The following LRATD1 variants were observed in gnomAD, a reference collection of about 807,000 sequenced individuals.
The protein encoded by LRATD1 is protein LRATD1.
In LRATD1, 8 loss-of-function variants were observed where a neutral mutation model predicts 21.3. The ratio of observed to expected loss-of-function variants is 0.38; its 90% CI spans 0.22 to 0.68. LRATD1 has a LOEUF of 0.68. LRATD1 is among the 30% of genes least tolerant of loss of function. LRATD1 has a pLI of 0.54. For missense variants in LRATD1, 380 were observed against 404.0 expected (o/e 0.94, Z 0.51); for synonymous variants, 210 against 186.2 (o/e 1.13, Z -1.04).
intron 4 of LRATD1, chr2:14,649,225 T>G (rs981569227): frequency 6.6e-6 from 3 of 453,048 alleles, no homozygotes; most frequent in African/African-American, 2.0e-5. Context: ...GAGAGGATGG[T>G]GGAGGAAGGC....
Position 14,634,394 on chromosome 2 carries a change from G to A in LRATD1, c.415G>A (p.Ala139Thr). The change falls in exon 2 of 2, where the codon GCG becomes ACG. Residue 139 changes from alanine to threonine, a missense_variant. Coordinates refer to ENST00000295092, the MANE Select transcript of LRATD1 (RefSeq NM_145175.4). ...LWLQPAPEPP[A>T]PAPHWAVYVG... ...GCTGCAGCCCGCGCCGGAGCCGCCC[G>A]CGCCCGCCCCGCACTGGGCCGTCTA... is the stretch of plus-strand genomic sequence containing the variant. 1.3e-6 allele frequency: 2 copies of A among 1,540,118 alleles called. No homozygotes were observed. The highest frequency in any genetic ancestry group is 2.4e-5 in the East Asian group (1 of 42,386).
rs1426677067 is a variant in LRATD1 at position 14,639,300 on chromosome 2, G to A, written c.*4442G>A. The A allele has an allele frequency of 3.0e-5, 5 of 167,030 alleles. No individual in the cohort carries two copies. 10.3% of individuals were successfully genotyped at this position (167,030 alleles called of 1,614,324 possible). A position where few individuals can be genotyped will look rare whatever the true frequency, so the allele number is the denominator to read the frequency against. ...TTATTCTCATTTTTTGGAAGAATAT[G>A]TTCCTGGTTTCTCTAACTAAAAGGA... is the stretch of plus-strand genomic sequence containing the variant. On this transcript the variant is annotated 3_prime_UTR_variant, in exon 2 of 2. Coordinates refer to ENST00000295092, the MANE Select transcript of LRATD1 (RefSeq NM_145175.4).
In LRATD1 at chr2:14,634,387, G is replaced by A; in HGVS notation, c.408G>A (p.Glu136=). 2 of 1,543,646 alleles carry A rather than the reference G, an allele frequency of 1.3e-6. No homozygotes were observed. The highest frequency in any genetic ancestry group is 8.7e-7 in the Non-Finnish European group (1 of 1,148,160). The change falls in exon 2 of 2, where the codon GAG becomes GAA. Residue 136 remains glutamate, a synonymous_variant. Transcript: ENST00000295092. ...TGCTGTGGCTGCAGCCCGCGCCGGA[G>A]CCGCCCGCGCCCGCCCCGCACTGGG... ...LELLWLQPAP[E]PPAPAPHWAV... is the part of the protein sequence containing the mutation.
exon 5 of LRATD1, chr2:14,649,340 C>T (rs529230495): frequency 6.3e-4 from 287 of 456,602 alleles, no homozygotes; most frequent in Non-Finnish European, 1.1e-3. Context: ...ATCTTTGTCT[C>T]ATGGATGCTC....
Position 14,639,508 on chromosome 2 carries a change from T to C in LRATD1, c.*4650T>C, listed in dbSNP as rs1253092694. ...ATCCTATCTTTCAATCATTTAGTAA[T>C]TCATAAAATCCCATTATTTCATAAC... On this transcript the variant is annotated 3_prime_UTR_variant, in exon 2 of 2. Coordinates refer to ENST00000295092, the MANE Select transcript of LRATD1 (RefSeq NM_145175.4). 1.6e-4 allele frequency: 26 copies of C among 166,908 alleles called. No individual in the cohort carries two copies. Among genetic ancestry groups the C allele is most frequent in the Non-Finnish European group, 2.8e-4 (19 of 68,110 alleles). The allele number at this position is 166,908 out of a possible 1,614,324, so 10.3% of individuals were successfully genotyped here. A position where few individuals can be genotyped will look rare whatever the true frequency, so the allele number is the denominator to read the frequency against.
downstream of LRATD1, chr2:14,642,170 C>CAA (rs1378671582): frequency 2.0e-5 from 3 of 152,476 alleles, no homozygotes; most frequent in Non-Finnish European, 4.4e-5. Flanking sequence ...ACGAGATTCT[C>CAA]CTTAAGAATC....
At chr2:14,643,758 G>A (rs1479032430), downstream of LRATD1, among the ~76,000 whole-genome samples, 2 of 152,166 alleles carry the variant, frequency 1.3e-5, no homozygotes, top group African/African-American at 4.8e-5. Flanking sequence ...TGAACTTCTG[G>A]TGTAGCACTT....
chr2:14,634,148 G>T lies in LRATD1; in HGVS notation c.169G>T (p.Ala57Ser). ...GCAGCCCGACAAGTTTGGCGTGAAGGCCCCCCCGGGTTGCACCCCCTGCCC... is the reference window on the plus strand; with the variant it reads ...GCAGCCCGACAAGTTTGGCGTGAAGTCCCCCCCGGGTTGCACCCCCTGCCC... ...RGQPDKFGVK[A>S]PPGCTPCPES... The change falls in exon 2 of 2, where the codon GCC (alanine) becomes TCC (serine). Residue 57 changes from alanine (A) to serine (S), a missense_variant. By Grantham distance (99) the Ala-to-Ser change is moderately conservative. Coordinates refer to ENST00000295092, the MANE Select transcript of LRATD1 (RefSeq NM_145175.4). 6 of 1,613,780 alleles carry T rather than the reference G, an allele frequency of 3.7e-6. No homozygotes were observed. Among genetic ancestry groups the T allele is most frequent in the Non-Finnish European group, 5.1e-6 (6 of 1,179,968 alleles).
In LRATD1 at chr2:14,635,056, G is replaced by A; in HGVS notation, c.*198G>A. 2 of 831,430 alleles carry A rather than the reference G, an allele frequency of 2.4e-6. No individual in the cohort carries two copies. Among genetic ancestry groups the A allele is most frequent in the East Asian group, 2.7e-5 (1 of 37,408 alleles). The allele number at this position is 831,430 out of a possible 1,614,324, so 51.5% of individuals were successfully genotyped here. On this transcript the variant is annotated 3_prime_UTR_variant, in exon 2 of 2. Transcript: ENST00000295092. ...AAGTCTCAGGAACTGCCCCAGGGCC[G>A]AAAGGGCGCCGCTGCGAGCGCCTGG...
At position 14,635,215 on chromosome 2, in the gene LRATD1, T is replaced by C. The variant is rs754607207; in HGVS notation, c.*357T>C. 1.7e-6 allele frequency: 1 copy of C among 575,998 alleles called. No individual in the cohort carries two copies. The highest frequency in any genetic ancestry group is 3.4e-6 in the Non-Finnish European group (1 of 294,700). 35.7% of individuals were successfully genotyped at this position (575,998 alleles called of 1,614,324 possible). On this transcript the variant is annotated 3_prime_UTR_variant, in exon 2 of 2. Transcript: ENST00000295092. ...TCCCCGCGAGTCCATGGCCAGTGAC[T>C]GTGGCCCGACTCGAAAACAACCCTC...
chr2:14,635,508 G>C lies in LRATD1; in HGVS notation c.*650G>C, dbSNP rs766815137. 1 of 471,238 alleles carries C rather than the reference G, an allele frequency of 2.1e-6. No homozygotes were observed. Among genetic ancestry groups the C allele is most frequent in the South Asian group, 1.5e-5 (1 of 64,578 alleles). The allele number at this position is 471,238 out of a possible 1,614,324, so 29.2% of individuals were successfully genotyped here. On this transcript the variant is annotated 3_prime_UTR_variant, in exon 2 of 2. Coordinates refer to ENST00000295092, the MANE Select transcript of LRATD1 (RefSeq NM_145175.4). ...CATTGTGTTCCAGGCTGCGGGCTAAGCCAGACAGTGTTTGCCTCCGGTTCT... is the reference window on the plus strand; with the variant it reads ...CATTGTGTTCCAGGCTGCGGGCTAACCCAGACAGTGTTTGCCTCCGGTTCT...
rs1297830801 is a variant in LRATD1, at chr2:14,636,629, T to C, written c.*1771T>C. 6.0e-6 allele frequency: 1 copy of C among 167,162 alleles called. No homozygotes were observed. The allele number at this position is 167,162 out of a possible 1,614,324, so 10.4% of individuals were successfully genotyped here. ...TACTTGATTCAGTGTGCTAGACACT[T>C]AAATAGCATCTATGTCTCTTTCAAG... On this transcript the variant is annotated 3_prime_UTR_variant, in exon 2 of 2. Coordinates refer to ENST00000295092, the MANE Select transcript of LRATD1 (RefSeq NM_145175.4).
At chr2:14,640,167 C>T (rs1390640275), downstream of LRATD1, 2 of 164,888 alleles carry the variant, frequency 1.2e-5, no homozygotes, top group Non-Finnish European at 2.9e-5. Flanking sequence ...CGCATGAAAT[C>T]ACAAGATTAT....
chr2:14,649,097 C>T (rs1671948489), intron 4 of LRATD1, among the ~76,000 whole-genome samples: 1 of 152,076 alleles, frequency 6.6e-6, no homozygotes, highest in Admixed American at 6.6e-5. Context: ...CTGGGACTTG[C>T]CTCTCTCCCA....
downstream of LRATD1, among the ~76,000 whole-genome samples, chr2:14,640,497 G>A (rs1266738409): frequency 1.3e-5 from 2 of 152,056 alleles, no homozygotes; most frequent in African/African-American, 4.8e-5. Context: ...AAGTTACTTT[G>A]AGCATCATTT....
At position 14,634,183 on chromosome 2, in the gene LRATD1, C is replaced by T. The variant is rs771909242; in HGVS notation, c.204C>T (p.Pro68=). Residue 68 remains proline, a synonymous_variant, in exon 2 of 2, where the codon CCC becomes CCT. Transcript: ENST00000295092. ...PPGCTPCPES[P]SRHHHHLLHQ... ...GTTGCACCCCCTGCCCGGAGAGCCC[C>T]AGCCGCCACCACCACCACCTGCTGC... 1.5e-5 allele frequency: 24 copies of T among 1,613,262 alleles called. No homozygotes were observed. The highest frequency in any genetic ancestry group is 2.0e-5 in the Non-Finnish European group (24 of 1,179,840).
chr2:14,649,100 C>T (rs192707742), intron 4 of LRATD1, among the ~76,000 whole-genome samples: 1 of 152,230 alleles, frequency 6.6e-6, no homozygotes, highest in African/African-American at 2.4e-5. Context: ...GGACTTGCCT[C>T]TCTCCCAGTG....
intron 2 of LRATD1, chr2:14,646,053 G>C (rs1671889428): frequency 6.6e-6 from 1 of 151,720 alleles, no homozygotes; most frequent in Admixed American, 6.6e-5. Context: ...TCTGTCCTTT[G>C]TAAGATTTTC....
chr2:14,643,756 T>A (rs758083432), downstream of LRATD1, among the ~76,000 whole-genome samples: 14 of 152,242 alleles, frequency 9.2e-5, no homozygotes, highest in Non-Finnish European at 1.6e-4. Flanking sequence ...TTTGAACTTC[T>A]GGTGTAGCAC....
Sources: gnomAD v4.1 joint callset for allele counts (sites outside exome capture counted in the v4.1 genomes callset) on GRCh38, gnomAD v4.1.1 for gene constraint, MANE v1.5 for transcripts, NCBI Gene and HGNC (gene_info 2026-07-23, HGNC 2026-07-21) for gene names.